The following NSG2 variants were observed in gnomAD, a reference collection of about 807,000 sequenced individuals.
NSG2 encodes the protein neuronal vesicle trafficking associated 2, also known as neuronal vesicle trafficking-associated protein 2.
In NSG2, 4 loss-of-function variants were observed where a neutral mutation model predicts 16.9. The ratio of observed to expected loss-of-function variants is 0.24; its 90% CI spans 0.12 to 0.54. NSG2 has a LOEUF of 0.54. Among genes scored for constraint, NSG2 ranks in the 20% least tolerant of loss-of-function variants. The pLI, the probability that NSG2 is intolerant of heterozygous loss-of-function variation, is 0.95. For missense variants in NSG2, 179 were observed against 221.1 expected (o/e 0.81, Z 1.21); for synonymous variants, 98 against 88.7 (o/e 1.11, Z -0.59).
chr5:174,066,001 A>G (rs1760132456), intron 3 of NSG2, among the ~76,000 whole-genome samples: 1 of 152,158 alleles, frequency 6.6e-6, no homozygotes, highest in Non-Finnish European at 1.5e-5. Flanking sequence ...CTGGGAATTG[A>G]AGCGTATGCG....
intron 2 of NSG2, among the ~76,000 whole-genome samples, chr5:174,061,697 G>A (rs1443228707): frequency 6.6e-6 from 1 of 152,006 alleles, no homozygotes; most frequent in Non-Finnish European, 1.5e-5. Flanking sequence ...TCTACCTCCC[G>A]GGTTCAAGTG....
At chr5:174,050,470 G>A (rs1759869977) in intron 2 of NSG2, among the ~76,000 whole-genome samples, 1 of 152,124 alleles carries the variant, frequency 6.6e-6, no homozygotes, top group Non-Finnish European at 1.5e-5. Flanking sequence ...GTGGATCTCA[G>A]TGCACCCATT....
rs189172181 is a variant in NSG2 at position 174,056,879 on chromosome 5, T to C, written c.130-7353T>C. ...TATTTTAAATTTTTATGATCTGTAC[T>C]TTGCACTGTCTGAACCACCATGTAT... On this transcript the variant is annotated intron_variant, in intron 2 of 4. Transcript: ENST00000303177. 1.6e-3 allele frequency among the ~76,000 whole-genome samples: 249 copies of C among 152,348 alleles called. 3 individuals carry two copies. Among genetic ancestry groups the C allele is most frequent in the African/African-American group, 5.8e-3 (243 of 41,574 alleles).
At chr5:174,056,167 TG>T (rs1474003471) in intron 2 of NSG2, 1 of 152,248 alleles carries the variant, frequency 6.6e-6, no homozygotes, top group Non-Finnish European at 1.5e-5. Flanking sequence ...AGGTGGCACT[TG>T]GAACTGAGCT....
intron 3 of NSG2, among the ~76,000 whole-genome samples, chr5:174,076,771 G>T (rs752045356): frequency 6.6e-6 from 1 of 152,140 alleles, no homozygotes; most frequent in Non-Finnish European, 1.5e-5. Context: ...GTCACAGCTG[G>T]GGGTAGGGAT....
Position 174,108,104 on chromosome 5 carries a change from A to C in NSG2, c.*599A>C. 1 of 251,944 alleles carries C rather than the reference A, an allele frequency of 4.0e-6. No individual in the cohort carries two copies. Among genetic ancestry groups the C allele is most frequent in the South Asian group, 4.3e-5 (1 of 23,352 alleles). The allele number at this position is 251,944 out of a possible 1,614,324, so 15.6% of individuals were successfully genotyped here. On this transcript the variant is annotated 3_prime_UTR_variant, in exon 5 of 5. Coordinates refer to ENST00000303177, the MANE Select transcript of NSG2 (RefSeq NM_015980.5). ...CAGAACGCACATAACCCATAGTGAA[A>C]TGTGCTGGCCTCTGGTGCATTTTGC... is the stretch of plus-strand genomic sequence containing the variant.
rs115687984 is a variant in NSG2, at chr5:174,059,695, A to G, written c.130-4537A>G. Among the ~76,000 whole-genome samples, 1,442 of 152,254 alleles carry G rather than the reference A, an allele frequency of 9.5e-3. 24 individuals carry two copies. The highest frequency in any genetic ancestry group is 0.029 in the African/African-American group (1,184 of 41,540). ...TTCAGGCAAGGTGCAATCCCGGGGT[A>G]GGATGTCATCTGGACCCAGCTCCAT... On this transcript the variant is annotated intron_variant, in intron 2 of 4. Coordinates refer to ENST00000303177, the MANE Select transcript of NSG2 (RefSeq NM_015980.5).
intron 2 of NSG2, chr5:174,062,673 T>TGG (rs141955241): frequency 0.017 from 2,591 of 152,286 alleles, 30 homozygotes; most frequent in South Asian, 0.025. Flanking sequence ...GCTGATGGGC[T>TGG]GGGGTCCAGG....
chr5:174,066,744 G>C (rs1386078939), intron 3 of NSG2, among the ~76,000 whole-genome samples: 1 of 151,866 alleles, frequency 6.6e-6, no homozygotes, highest in Admixed American at 6.6e-5. Flanking sequence ...CCTTTATCCA[G>C]CAGTCATTTG....
intron 2 of NSG2, among the ~76,000 whole-genome samples, chr5:174,056,824 G>C (rs7719450): frequency 0.16 from 23,963 of 152,208 alleles, 2,476 homozygotes; most frequent in African/African-American, 0.29. Context: ...ATGTGGGAAC[G>C]TCTTCATTAT....
chr5:174,103,913 T>C (rs1280979524), intron 3 of NSG2, among the ~76,000 whole-genome samples: 1 of 152,152 alleles, frequency 6.6e-6, no homozygotes, highest in East Asian at 1.9e-4. Flanking sequence ...TGCAGTGAGC[T>C]GAGATGGTGC....
intron 4 of NSG2, 102 bp downstream of exon 4, chr5:174,104,440 C>T (rs1760946488): frequency 2.6e-6 from 2 of 780,162 alleles, no homozygotes; most frequent in Non-Finnish European, 4.4e-6. Flanking sequence ...ATGACGACCT[C>T]TCTACCGACT....
intron 3 of NSG2, among the ~76,000 whole-genome samples, chr5:174,065,972 A>G (rs1760132002): frequency 6.6e-6 from 1 of 152,242 alleles, no homozygotes; most frequent in Admixed American, 6.5e-5. Context: ...GAAAGTGAAC[A>G]TGACTCGTGG....
chr5:174,071,438 G>T (rs1760239785), intron 3 of NSG2, among the ~76,000 whole-genome samples: 1 of 152,232 alleles, frequency 6.6e-6, no homozygotes, highest in East Asian at 1.9e-4. Flanking sequence ...AGTGAGCTGA[G>T]ATCGCACCAC....
chr5:174,105,689 C>T lies in NSG2; in HGVS notation c.324+1351C>T, dbSNP rs1411403589. On this transcript the variant is annotated intron_variant, in intron 4 of 4. Transcript: ENST00000303177. ...AGATTACACTCCAAGTGGTCAGAAGCTGAGGTTCTGAGACCATCCTGACCA... is the reference window on the plus strand; with the variant it reads ...AGATTACACTCCAAGTGGTCAGAAGTTGAGGTTCTGAGACCATCCTGACCA... Among the ~76,000 whole-genome samples the T allele has an allele frequency of 3.3e-5, 5 of 152,116 alleles. No individual in the cohort carries two copies. The East Asian group carries it at 7.7e-4, about 23-fold the overall frequency.
intron 3 of NSG2, among the ~76,000 whole-genome samples, chr5:174,102,351 T>C (rs2113477801): frequency 6.6e-6 from 1 of 152,334 alleles, no homozygotes; most frequent in African/African-American, 2.4e-5. Flanking sequence ...AGAGATGGCA[T>C]GGGCACTCCC....
chr5:174,071,809 C>G (rs770934660), intron 3 of NSG2, among the ~76,000 whole-genome samples: 20 of 152,322 alleles, frequency 1.3e-4, no homozygotes, highest in Middle Eastern at 3.4e-3. Flanking sequence ...GCTGGGCCAC[C>G]TGCCCGGGTA....
At chr5:174,085,180 A>G (rs1760585728) in intron 3 of NSG2, among the ~76,000 whole-genome samples, 1 of 152,192 alleles carries the variant, frequency 6.6e-6, no homozygotes, top group Non-Finnish European at 1.5e-5. Flanking sequence ...TAATGACAGT[A>G]ATAATATCCA....
chr5:174,095,497 C>A (rs1428780126), intron 3 of NSG2, among the ~76,000 whole-genome samples: 1 of 152,154 alleles, frequency 6.6e-6, no homozygotes, highest in Non-Finnish European at 1.5e-5. Flanking sequence ...TTTCATGTGG[C>A]TTCTCTTCTT....
Sources: allele counts gnomAD v4.1 joint callset (sites outside exome capture counted in the v4.1 genomes callset), GRCh38; gene constraint gnomAD v4.1.1; transcripts MANE v1.5; gene names NCBI Gene and HGNC (gene_info 2026-07-23, HGNC 2026-07-21).